Variants in C17orf78 observed in about 807,000 individuals in gnomAD.
The protein encoded by C17orf78 is uncharacterized protein C17orf78.
Under a neutral mutation model 31.8 loss-of-function variants are expected in C17orf78, and 27 were observed. The observed-to-expected ratio is 0.85, with a 90% CI of 0.63 to 1.17. The LOEUF (loss-of-function observed/expected upper bound fraction) is 1.17, where lower values mean the gene tolerates loss of function less well. Among genes scored for constraint, C17orf78 ranks in the 50% most tolerant of loss-of-function variants. C17orf78 has a pLI of 0.00. For missense variants in C17orf78, 258 were observed against 315.2 expected (o/e 0.82, Z 1.37); for synonymous variants, 106 against 115.1 (o/e 0.92, Z 0.51).
intron 2 of C17orf78, 41 bp from the exon 3 acceptor site, chr17:37,379,096 A>G: frequency 6.3e-7 from 1 of 1,580,496 alleles, no homozygotes; most frequent in South Asian, 1.2e-5. Context: ...AACAAAAAAC[A>G]AAACCAGCTC....
At chr17:37,390,328 A>ATC (rs1250999812) in intron 6 of C17orf78, among the ~76,000 whole-genome samples, 5,528 of 72,826 alleles carry the variant, frequency 0.076, 759 homozygotes, top group East Asian at 0.13. Context: ...ATATATATAT[A>ATC]TATATAAAAG....
chr17:37,386,272 A>AT, intron 4 of C17orf78, 147 bp downstream of exon 4: 1 of 598,656 alleles, frequency 1.7e-6, no homozygotes, highest in Non-Finnish European at 2.9e-6. Flanking sequence ...ACATTGAAAA[A>AT]TCATTCAATT....
At chr17:37,381,128 T>C (rs1437986213) in intron 3 of C17orf78, among the ~76,000 whole-genome samples, 1 of 152,014 alleles carries the variant, frequency 6.6e-6, no homozygotes, top group Non-Finnish European at 1.5e-5. Flanking sequence ...ATATACACTG[T>C]TCTGCCCCTT....
intron 3 of C17orf78, among the ~76,000 whole-genome samples, chr17:37,380,042 T>G (rs2050178566): frequency 1.3e-5 from 2 of 151,340 alleles, no homozygotes; most frequent in South Asian, 4.2e-4. Flanking sequence ...CCAATAATGA[T>G]AGACTGGATT....
chr17:37,390,277 T>TA (rs2050777327), intron 6 of C17orf78, among the ~76,000 whole-genome samples: 1 of 63,918 alleles, frequency 1.6e-5, no homozygotes, highest in Non-Finnish European at 2.6e-5. Flanking sequence ...ATATAATATA[T>TA]TATATATAAT....
At position 37,377,866 on chromosome 17, in the gene C17orf78, T is replaced by C. The variant is rs1380036068; in HGVS notation, c.59-13T>C. The stretch of plus-strand genomic sequence containing the variant: ...TTCCCCGGTTCCCCTCCTCCCCCTC[T>C]GCTCACCCCCAGACCTCAGAGATAG... On this transcript the variant is annotated splice_polypyrimidine_tract_variant and intron_variant, in intron 1 of 6. Transcript: ENST00000615133. 8 of 1,585,446 alleles carry C rather than the reference T, an allele frequency of 5.0e-6. No homozygotes were observed. The African/African-American group carries it at 1.1e-4, about 21-fold the overall frequency.
intron 4 of C17orf78, among the ~76,000 whole-genome samples, chr17:37,388,107 G>A (rs2050629197): frequency 6.6e-6 from 1 of 152,154 alleles, no homozygotes; most frequent in South Asian, 2.1e-4. Context: ...TGAGGCTGAA[G>A]TGAGCCAAGA....
chr17:37,381,227 C>T (rs2050241194), intron 3 of C17orf78, among the ~76,000 whole-genome samples: 1 of 151,940 alleles, frequency 6.6e-6, no homozygotes, highest in African/African-American at 2.4e-5. Flanking sequence ...ACTCTGTCAC[C>T]CAGGCTGGAG....
At chr17:37,382,363 T>A (rs1363252550) in intron 3 of C17orf78, among the ~76,000 whole-genome samples, 1 of 151,980 alleles carries the variant, frequency 6.6e-6, no homozygotes, top group Non-Finnish European at 1.5e-5. Context: ...TATAGTTTTT[T>A]TTTTTCTTTA....
At chr17:37,379,975 C>T (rs1376616683) in intron 3 of C17orf78, among the ~76,000 whole-genome samples, 4 of 150,198 alleles carry the variant, frequency 2.7e-5, no homozygotes, top group African/African-American at 4.9e-5. Flanking sequence ...CACATGCACA[C>T]GTATGTTTAC....
intron 4 of C17orf78, among the ~76,000 whole-genome samples, chr17:37,388,118 T>C (rs987383654): frequency 2.0e-5 from 3 of 152,060 alleles, no homozygotes; most frequent in Non-Finnish European, 4.4e-5. Context: ...TGAGCCAAGA[T>C]TGTGCCACTG....
chr17:37,385,998 T>G lies in C17orf78; in HGVS notation c.392-11T>G, dbSNP rs1329929226. 6.5e-7 allele frequency: 1 copy of G among 1,534,720 alleles called. No individual in the cohort carries two copies. Among genetic ancestry groups the G allele is most frequent in the Non-Finnish European group, 8.9e-7 (1 of 1,121,978 alleles). ...CCCCTAAAGTTTCATCTTTTCTACT[T>G]TGTTTTATAGCTTTTTTACCAGGGA... On this transcript the variant is annotated splice_polypyrimidine_tract_variant and intron_variant, in intron 3 of 6. Coordinates refer to ENST00000615133, the MANE Select transcript of C17orf78 (RefSeq NM_173625.5).
At chr17:37,390,330 A>ATATATATATATATATATATATCTATATC (rs1386032855) in intron 6 of C17orf78, among the ~76,000 whole-genome samples, 4 of 41,586 alleles carry the variant, frequency 9.6e-5, no homozygotes, top group Non-Finnish European at 1.5e-4. Flanking sequence ...ATATATATAT[A>ATATATATATATATATATATATCTATATC]TATAAAAGGC....
chr17:37,377,698 TAAATAAAA>T (rs1232417646), intron 1 of C17orf78, among the ~76,000 whole-genome samples, 173 bp from the exon 2 acceptor site: 2 of 139,354 alleles, frequency 1.4e-5, no homozygotes, highest in East Asian at 4.4e-4. Flanking sequence ...AATAAATAAA[TAAATAAAA>T]GTAAAGTCTT....
chr17:37,390,253 T>TA (rs2050767925), intron 6 of C17orf78, among the ~76,000 whole-genome samples: 1 of 35,086 alleles, frequency 2.9e-5, no homozygotes, highest in East Asian at 1.8e-3. Context: ...TATATATATA[T>TA]TATATATAAT....
chr17:37,382,864 A>C (rs905186754), intron 3 of C17orf78, among the ~76,000 whole-genome samples: 7 of 152,026 alleles, frequency 4.6e-5, no homozygotes, highest in African/African-American at 9.7e-5. Flanking sequence ...GTCTCAAAAA[A>C]CAAAACAAAA....
rs568954198 is a variant in C17orf78 at position 37,385,238 on chromosome 17, G to A, written c.392-771G>A. Reference sequence around the variant, plus strand: ...TGTAACCCCAGCACTTTGGGAGGCCGAGGTGGGCAGATCACTTGAGGTCAG... The same window carrying A: ...TGTAACCCCAGCACTTTGGGAGGCCAAGGTGGGCAGATCACTTGAGGTCAG... On this transcript the variant is annotated intron_variant, in intron 3 of 6. Coordinates refer to ENST00000615133, the MANE Select transcript of C17orf78 (RefSeq NM_173625.5). Among the ~76,000 whole-genome samples the A allele has an allele frequency of 7.2e-5, 11 of 152,238 alleles. No homozygotes were observed. In the East Asian group the frequency reaches 7.7e-4, roughly 11 times the overall value.
chr17:37,377,745 C>T (rs2050070587), intron 1 of C17orf78, 134 bp from the exon 2 acceptor site: 2 of 513,698 alleles, frequency 3.9e-6, no homozygotes, highest in Admixed American at 3.8e-5. Context: ...TCCCAAGTTG[C>T]AAGTTTTATG....
intron 3 of C17orf78, among the ~76,000 whole-genome samples, chr17:37,385,791 A>G (rs2050500258): frequency 6.6e-6 from 1 of 152,138 alleles, no homozygotes; most frequent in Non-Finnish European, 1.5e-5. Context: ...ATGTTAGTTA[A>G]AAGTCCCATG....
Sources: allele counts gnomAD v4.1 joint callset (sites outside exome capture counted in the v4.1 genomes callset), GRCh38; gene constraint gnomAD v4.1.1; transcripts MANE v1.5; gene names NCBI Gene and HGNC (gene_info 2026-07-23, HGNC 2026-07-21).